Variants in HTR2C observed in about 807,000 individuals in gnomAD.
HTR2C encodes 5-hydroxytryptamine (serotonin) receptor 2C, G protein-coupled.
HTR2C carries 5 observed loss-of-function variants against 21.0 expected under a neutral mutation model. The observed-to-expected ratio is 0.24, with a 90% CI of 0.12 to 0.50. The LOEUF (loss-of-function observed/expected upper bound fraction) is 0.50, where lower values mean the gene tolerates loss of function less well. Ranked by LOEUF, HTR2C falls within the 20% of genes least tolerant of loss-of-function variation. The probability of loss-of-function intolerance (pLI) is 0.98; values close to 1 mark genes in which losing one functional copy is unlikely to be tolerated. For missense variants in HTR2C, 271 were observed against 371.2 expected (o/e 0.73, Z 2.22); for synonymous variants, 150 against 145.3 (o/e 1.03, Z -0.23).
intron 2 of HTR2C, among the ~76,000 whole-genome samples, chrX:114,666,713 T>C (rs1931192363): frequency 9.0e-6 from 1 of 111,148 alleles, no homozygotes; most frequent in African/African-American, 3.3e-5. Flanking sequence ...ACATATGACT[T>C]TTTTCTTTTA....
chrX:114,739,923 T>C (rs1244516717), intron 4 of HTR2C, among the ~76,000 whole-genome samples: 5 of 109,826 alleles, frequency 4.6e-5, no homozygotes, highest in Non-Finnish European at 9.5e-5. Flanking sequence ...CTGGGCAACA[T>C]AGTGAAACCC....
chrX:114,740,647 T>C (rs2069635949), intron 4 of HTR2C, among the ~76,000 whole-genome samples: 2 of 111,897 alleles, frequency 1.8e-5, no homozygotes, highest in South Asian at 3.7e-4. Context: ...AAGGAATTTC[T>C]TTATTACCTG....
intron 4 of HTR2C, among the ~76,000 whole-genome samples, chrX:114,814,000 G>T (rs1381980146): frequency 9.0e-6 from 1 of 111,168 alleles, no homozygotes; most frequent in Non-Finnish European, 1.9e-5. Flanking sequence ...AATTAACTCT[G>T]TGTGTGGAGG....
chrX:114,885,540 A>G (rs1367262460), intron 5 of HTR2C, among the ~76,000 whole-genome samples: 1 of 112,306 alleles, frequency 8.9e-6, no homozygotes, highest in Admixed American at 9.5e-5. Flanking sequence ...AAAAATGGAT[A>G]TTCATTTTTG....
chrX:114,807,047 A>ACC (rs1322179903), intron 4 of HTR2C, among the ~76,000 whole-genome samples: 2 of 10,496 alleles, frequency 1.9e-4, no homozygotes, highest in Admixed American at 2.7e-3. Flanking sequence ...CCATATATAT[A>ACC]CCATATATAC....
At chrX:114,605,097 G>T (rs782499756) in intron 1 of HTR2C, among the ~76,000 whole-genome samples, 2,009 of 110,989 alleles carry the variant, frequency 0.018, 49 homozygotes, top group African/African-American at 0.063. Flanking sequence ...CATGAACTGG[G>T]CTGGATTTTT....
chrX:114,644,364 T>TAAATAAATAA (rs1409375537), intron 2 of HTR2C, among the ~76,000 whole-genome samples: 4 of 35,676 alleles, frequency 1.1e-4, no homozygotes, highest in Admixed American at 3.9e-4. Flanking sequence ...AATAAATAAA[T>TAAATAAATAA]ATATATATAT....
At chrX:114,591,128 G>A (rs1305632937) in intron 1 of HTR2C, among the ~76,000 whole-genome samples, 1 of 110,885 alleles carries the variant, frequency 9.0e-6, no homozygotes, top group African/African-American at 3.3e-5. Flanking sequence ...ATGCTTTGTG[G>A]CTTGTGGGTA....
chrX:114,848,511 G>A (rs191821818), intron 5 of HTR2C, among the ~76,000 whole-genome samples: 28 of 111,609 alleles, frequency 2.5e-4, no homozygotes, highest in African/African-American at 9.1e-4. Context: ...CTTTGAAAAT[G>A]AGAAAGACAT....
At chrX:114,693,420 G>A (rs1932167871) in intron 2 of HTR2C, among the ~76,000 whole-genome samples, 2 of 111,734 alleles carry the variant, frequency 1.8e-5, no homozygotes, top group African/African-American at 3.2e-5. Flanking sequence ...AGATCTATGT[G>A]AAACTTACAT....
intron 4 of HTR2C, among the ~76,000 whole-genome samples, chrX:114,826,263 G>A (rs1556458420): frequency 9.1e-6 from 1 of 109,710 alleles, no homozygotes; most frequent in African/African-American, 3.3e-5. Context: ...GTAGAGACAG[G>A]ATCTCCCTAT....
At chrX:114,773,293 CAAAAT>C (rs1472083131) in intron 4 of HTR2C, among the ~76,000 whole-genome samples, 2 of 111,065 alleles carry the variant, frequency 1.8e-5, no homozygotes, top group African/African-American at 6.5e-5. Context: ...ACTCAAATCT[CAAAAT>C]AAAGCAATAT....
chrX:114,656,125 A>T (rs1456413163), intron 2 of HTR2C, among the ~76,000 whole-genome samples: 1 of 110,370 alleles, frequency 9.1e-6, no homozygotes, highest in East Asian at 2.8e-4. Context: ...TTTCTTTCTG[A>T]CCTCTATTAC....
chrX:114,769,348 A>C (rs781972813), intron 4 of HTR2C, among the ~76,000 whole-genome samples: 1 of 111,478 alleles, frequency 9.0e-6, no homozygotes, highest in South Asian at 3.7e-4. Flanking sequence ...TATTCATTAA[A>C]TTCCTTTTTG....
intron 4 of HTR2C, among the ~76,000 whole-genome samples, chrX:114,749,094 T>C (rs925542087): frequency 2.0e-5 from 2 of 102,546 alleles, no homozygotes; most frequent in Non-Finnish European, 3.9e-5. Flanking sequence ...AAGGAAGATA[T>C]GTAGCTATCA....
intron 4 of HTR2C, among the ~76,000 whole-genome samples, chrX:114,796,397 C>A (rs913441606): frequency 9.0e-6 from 1 of 111,381 alleles, no homozygotes; most frequent in Non-Finnish European, 1.9e-5. Context: ...AGTGTGAATT[C>A]CGTTTTGGAC....
intron 3 of HTR2C, among the ~76,000 whole-genome samples, chrX:114,730,303 G>A (rs997831914): frequency 2.7e-5 from 3 of 111,608 alleles, no homozygotes. Flanking sequence ...AATTCCTACT[G>A]GTAGAATCTA....
At chrX:114,704,543 T>C (rs1556417592) in intron 2 of HTR2C, among the ~76,000 whole-genome samples, 1 of 111,908 alleles carries the variant, frequency 8.9e-6, no homozygotes. Context: ...AAATTAGTAC[T>C]GATGGGATGT....
At chrX:114,742,673 T>G (rs2069660063) in intron 4 of HTR2C, among the ~76,000 whole-genome samples, 1 of 108,826 alleles carries the variant, frequency 9.2e-6, no homozygotes, top group East Asian at 2.9e-4. Flanking sequence ...ATTACCAAGA[T>G]GTTGCAACTG....
Sources: allele counts gnomAD v4.1 joint callset (sites outside exome capture counted in the v4.1 genomes callset), GRCh38; gene constraint gnomAD v4.1.1; transcripts MANE v1.5; gene names NCBI Gene and HGNC (gene_info 2026-07-23, HGNC 2026-07-21).